The following MCM2 variants were observed in gnomAD, a reference collection of about 807,000 sequenced individuals.
The protein encoded by MCM2 is minichromosome maintenance complex component 2.
MCM2 carries 49 observed loss-of-function variants against 86.4 expected under a neutral mutation model. That is an observed-to-expected ratio of 0.57 (90% CI 0.45 to 0.72). The LOEUF (loss-of-function observed/expected upper bound fraction) is 0.72. Among genes scored for constraint, MCM2 ranks in the 30% least tolerant of loss-of-function variants. The pLI is 0.00. For missense variants in MCM2, 1,038 were observed against 1,259.9 expected (o/e 0.82, Z 2.67); for synonymous variants, 475 against 484.6 (o/e 0.98, Z 0.26).
chr3:127,606,216 A>G lies in MCM2; in HGVS notation c.772A>G (p.Ile258Val), dbSNP rs1296751279. 6.2e-7 allele frequency: 1 copy of G among 1,614,184 alleles called. No individual in the cohort carries two copies. Among genetic ancestry groups the G allele is most frequent in the East Asian group, 2.2e-5 (1 of 44,884 alleles). The change falls in exon 5 of 16, where the codon ATC (isoleucine) becomes GTC (valine). Residue 258 changes from isoleucine (I) to valine (V), a missense_variant. This residue lies in a region of MCM2 where 399 missense variants were observed against 507.2 expected (regional missense o/e 0.79). Transcript: ENST00000265056. This position sits in a 1 kb window ranked among gnomAD's most constrained non-coding sequence, Gnocchi z 4.2. ...LPEAPAELLQIFDEAALEVVL... is the reference protein window; with the variant it reads ...LPEAPAELLQVFDEAALEVVL... ...TGAGGCACCGGCGGAGCTGCTGCAG[A>G]TCTTTGATGAGGCTGCCCTGGAGGT...
intron 7 of MCM2, 74 bp from the exon 8 acceptor site, chr3:127,608,756 GAA>G: frequency 6.8e-7 from 1 of 1,469,776 alleles, no homozygotes; most frequent in Non-Finnish European, 9.4e-7. Context: ...TGCAATAGGA[GAA>G]ACTGGAGGAA....
chr3:127,618,021 G>T lies in MCM2; in HGVS notation c.1953G>T (p.Glu651Asp). ...LTFSENVDLT[E>D]PIISRFDILC... ...TCTCTGAGAACGTGGACCTCACAGA[G>T]CCCATCATCTCACGCTTTGACATCC... The change falls in exon 12 of 16, where the codon GAG becomes GAT. Residue 651 changes from glutamate (E) to aspartate (D), a missense_variant. Physicochemically the swap from Glu to Asp is conservative, Grantham distance 45. This residue lies in a region of MCM2 where 336 missense variants were observed against 425.7 expected (regional missense o/e 0.79). Transcript: ENST00000265056. The surrounding 1 kb of genome is among the most constrained non-coding windows in gnomAD (Gnocchi z 4.0). The T allele has an allele frequency of 6.2e-7, 1 of 1,614,130 alleles. No homozygotes were observed. The highest frequency in any genetic ancestry group is 8.5e-7 in the Non-Finnish European group (1 of 1,180,010).
rs2107687556 is a variant in MCM2 at position 127,604,999 on chromosome 3, G to T, written c.516G>T (p.Glu172Asp). 1 of 1,614,018 alleles carries T rather than the reference G, an allele frequency of 6.2e-7. No individual in the cohort carries two copies. The highest frequency in any genetic ancestry group is 8.5e-7 in the Non-Finnish European group (1 of 1,179,896). The change falls in exon 4 of 16, where the codon GAG becomes GAT. Residue 172 changes from glutamate (E) to aspartate (D), a missense_variant. Physicochemically the swap from Glu to Asp is conservative, Grantham distance 45 (BLOSUM62 2). Transcript: ENST00000265056. ...ACGAGGAGATGATCGAGAGCATCGA[G>T]AACCTGGAGGATCTCAAAGGCCACT... ...EEDEEMIESI[E>D]NLEDLKGHSV... is the part of the protein sequence containing the mutation.
chr3:127,609,513 G>A (rs889556758), intron 8 of MCM2, among the ~76,000 whole-genome samples: 6 of 152,102 alleles, frequency 3.9e-5, no homozygotes, highest in East Asian at 3.9e-4. Context: ...GTCTCACTAC[G>A]TTGTCCAGGC....
chr3:127,598,457 T>C lies in MCM2; in HGVS notation c.-10T>C, dbSNP rs753770668. The C allele has an allele frequency of 5.6e-6, 9 of 1,613,222 alleles. No homozygotes were observed. The highest frequency in any genetic ancestry group is 1.6e-4 in the Middle Eastern group (1 of 6,084). ...GTTGCTGTAGTGGCGGAGAGGATCG[T>C]GGTACTGCTATGGCGGTGAGCGCGC... On this transcript the variant is annotated 5_prime_UTR_variant, in exon 1 of 16. Coordinates refer to ENST00000265056, the MANE Select transcript of MCM2 (RefSeq NM_004526.4).
intron 13 of MCM2, among the ~76,000 whole-genome samples, chr3:127,619,896 T>G (rs2074463650): frequency 1.3e-5 from 2 of 151,252 alleles, no homozygotes; most frequent in Non-Finnish European, 2.9e-5. Flanking sequence ...GGAAGGAAGA[T>G]CTACTTGAGC....
intron 1 of MCM2, 85 bp downstream of exon 1, chr3:127,598,557 G>A: frequency 2.0e-6 from 3 of 1,536,696 alleles, no homozygotes; most frequent in Non-Finnish European, 2.6e-6. Flanking sequence ...CCCGGCCCAG[G>A]GCGGCGCTCT....
chr3:127,617,152 C>T lies in MCM2; in HGVS notation c.1773+34C>T. On this transcript the variant is annotated intron_variant, in intron 10 of 15. Transcript: ENST00000265056. The surrounding 1 kb of genome is among the most constrained non-coding windows in gnomAD (Gnocchi z 4.1). ...CTGGGTCACGGAGGCTGGTGGAACTCAGGGGGTGTGTGTGGGCTTGGGCCT... is the reference window on the plus strand; with the variant it reads ...CTGGGTCACGGAGGCTGGTGGAACTTAGGGGGTGTGTGTGGGCTTGGGCCT... 1.9e-6 allele frequency: 3 copies of T among 1,608,244 alleles called. No individual in the cohort carries two copies. The highest frequency in any genetic ancestry group is 1.7e-5 in the Admixed American group (1 of 59,774).
At chr3:127,611,912 G>A (rs1411979763) in intron 8 of MCM2, among the ~76,000 whole-genome samples, 4 of 144,294 alleles carry the variant, frequency 2.8e-5, no homozygotes, top group African/African-American at 5.7e-5. Flanking sequence ...TTTTAGCCGG[G>A]ATGGTCTCGA....
intron 8 of MCM2, among the ~76,000 whole-genome samples, chr3:127,613,009 A>T (rs2074410414): frequency 6.6e-6 from 1 of 152,196 alleles, no homozygotes; most frequent in Non-Finnish European, 1.5e-5. Context: ...CCAGCCATTA[A>T]ATTAGCCTGC....
intron 2 of MCM2, among the ~76,000 whole-genome samples, chr3:127,600,434 C>G (rs1209467771): frequency 2.0e-5 from 3 of 152,162 alleles, no homozygotes; most frequent in African/African-American, 7.2e-5. Flanking sequence ...TGTGTGAATG[C>G]CCAGGAGCCT....
In MCM2 at chr3:127,606,324, C is replaced by T; in HGVS notation, c.880C>T (p.Leu294=). ...CTCCCACCTGCCTCTGGTGGAGGAG[C>T]TGCGCTCGCTGAGGTGAGCTGAGGG... is the stretch of plus-strand genomic sequence containing the variant. ...RISHLPLVEE[L]RSLRQLHLNQ... The change falls in exon 5 of 16, where the codon CTG becomes TTG. Residue 294 remains leucine, a synonymous_variant. Coordinates refer to ENST00000265056, the MANE Select transcript of MCM2 (RefSeq NM_004526.4). The surrounding 1 kb of genome is among the most constrained non-coding windows in gnomAD (Gnocchi z 4.2). 1.9e-6 allele frequency: 3 copies of T among 1,614,252 alleles called. No individual in the cohort carries two copies. Among genetic ancestry groups the T allele is most frequent in the Non-Finnish European group, 2.5e-6 (3 of 1,180,038 alleles).
intron 8 of MCM2, among the ~76,000 whole-genome samples, chr3:127,610,280 C>T (rs746805101): frequency 1.3e-5 from 2 of 152,192 alleles, no homozygotes; most frequent in Admixed American, 6.5e-5. Flanking sequence ...TTCCTTCTGA[C>T]GTATGTAAAC....
rs1576413883 is a variant in MCM2 at position 127,606,461 on chromosome 3, T to C, written c.893+124T>C. The C allele has an allele frequency of 8.5e-7, 1 of 1,179,084 alleles. No individual in the cohort carries two copies. The highest frequency in any genetic ancestry group is 1.5e-5 in the African/African-American group (1 of 66,124). 73.0% of individuals were successfully genotyped at this position (1,179,084 alleles called of 1,614,324 possible). On this transcript the variant is annotated intron_variant, in intron 5 of 15. Coordinates refer to ENST00000265056, the MANE Select transcript of MCM2 (RefSeq NM_004526.4). The surrounding 1 kb of genome is among the most constrained non-coding windows in gnomAD (Gnocchi z 4.2). The stretch of plus-strand genomic sequence containing the variant: ...CAGCCAGCAGCATCCTCATCGCAGG[T>C]GAGTTGTGGTTGCACAGGAGTGTGA...
At chr3:127,616,603 T>C (rs1032472649) in intron 9 of MCM2, among the ~76,000 whole-genome samples, 1 of 152,206 alleles carries the variant, frequency 6.6e-6, no homozygotes, top group Non-Finnish European at 1.5e-5. Context: ...TTTATTTAGC[T>C]CTCCCTTTGG....
chr3:127,608,526 CG>C lies in MCM2; in HGVS notation c.1236+14del, dbSNP rs1483606900. 2 of 1,613,816 alleles carry C rather than the reference CG, an allele frequency of 1.2e-6. No homozygotes were observed. Among genetic ancestry groups the C allele is most frequent in the Non-Finnish European group, 1.7e-6 (2 of 1,179,928 alleles). ...GCCAGGAGACGAGATAGTAAGTGGC[CG>C]GGGCAGGCTGGGAGGGAGCCAAGTT... On this transcript the variant is annotated intron_variant, in intron 7 of 15. Coordinates refer to ENST00000265056, the MANE Select transcript of MCM2 (RefSeq NM_004526.4).
At chr3:127,602,895 T>C (rs573906451) in intron 2 of MCM2, among the ~76,000 whole-genome samples, 1 of 152,320 alleles carries the variant, frequency 6.6e-6, no homozygotes, top group East Asian at 1.9e-4. Context: ...TGAAGCCTTT[T>C]GGTCTAATGT....
At chr3:127,615,537 C>T (rs1281093511) in intron 8 of MCM2, among the ~76,000 whole-genome samples, 2 of 152,172 alleles carry the variant, frequency 1.3e-5, no homozygotes, top group Admixed American at 6.5e-5. Context: ...TGAGGTAGGC[C>T]AGTGCCATGA....
At chr3:127,620,342 C>CT (rs1198387064) in intron 13 of MCM2, among the ~76,000 whole-genome samples, 1 of 152,178 alleles carries the variant, frequency 6.6e-6, no homozygotes, top group Non-Finnish European at 1.5e-5. Context: ...AAACAACGAC[C>CT]TTTTTTTGCA....
Sources: gnomAD v4.1 joint callset for allele counts (sites outside exome capture counted in the v4.1 genomes callset) on GRCh38, gnomAD v4.1.1 for gene constraint, gnomAD v4.1.1 regional missense constraint, Gnocchi (gnomAD v3.1) non-coding constraint, MANE v1.5 for transcripts, NCBI Gene and HGNC (gene_info 2026-07-23, HGNC 2026-07-21) for gene names.